MPRIP: variants seen among roughly 807,000 people sequenced by gnomAD.
The protein encoded by MPRIP is myosin phosphatase Rho interacting protein, also known as myosin phosphatase Rho-interacting protein.
MPRIP carries 59 observed loss-of-function variants against 234.9 expected under a neutral mutation model. The observed-to-expected ratio is 0.25, with a 90% CI of 0.20 to 0.31. The LOEUF is 0.31. Among genes scored for constraint, MPRIP ranks in the 10% least tolerant of loss-of-function variants. The pLI is 1.00. For missense variants in MPRIP, 2,436 were observed against 3,071.0 expected (o/e 0.79, Z 4.89); for synonymous variants, 1,144 against 1,263.9 (o/e 0.91, Z 2.01).
At chr17:17,130,539 T>C (rs1402678007) in intron 4 of MPRIP, among the ~76,000 whole-genome samples, 1 of 152,042 alleles carries the variant, frequency 6.6e-6, no homozygotes, top group Non-Finnish European at 1.5e-5. Flanking sequence ...TGCTGGGTGC[T>C]GCACCCGTGT....
chr17:17,087,507 G>A (rs536610277), intron 3 of MPRIP, among the ~76,000 whole-genome samples: 52 of 152,346 alleles, frequency 3.4e-4, no homozygotes, highest in South Asian at 1.2e-3. Context: ...AGGGACCTCT[G>A]CAGGTACTGA....
chr17:17,043,994 G>C (rs546140203), intron 1 of MPRIP, among the ~76,000 whole-genome samples: 30 of 152,190 alleles, frequency 2.0e-4, no homozygotes, highest in Admixed American at 5.2e-4. Context: ...GACTGAAAAC[G>C]AGTGAACGGG....
chr17:17,122,440 G>C (rs1422557392), intron 3 of MPRIP, among the ~76,000 whole-genome samples: 1 of 152,154 alleles, frequency 6.6e-6, no homozygotes, highest in Non-Finnish European at 1.5e-5. Flanking sequence ...TGCAAGCTCC[G>C]CCTCCCGGGT....
chr17:17,047,644 G>T (rs553848873), intron 1 of MPRIP, among the ~76,000 whole-genome samples: 2 of 152,302 alleles, frequency 1.3e-5, no homozygotes, highest in Admixed American at 6.5e-5. Context: ...TCTAGGGACA[G>T]GATGTTGTTG....
intron 10 of MPRIP, 61 bp downstream of exon 10, chr17:17,146,153 T>A: frequency 6.7e-7 from 1 of 1,495,354 alleles, no homozygotes; most frequent in Non-Finnish European, 9.3e-7. Flanking sequence ...GGGTGAGCTG[T>A]CCTTGTCCCC....
intron 3 of MPRIP, among the ~76,000 whole-genome samples, chr17:17,110,351 A>C (rs1389609095): frequency 6.6e-6 from 1 of 152,204 alleles, no homozygotes; most frequent in Non-Finnish European, 1.5e-5. Flanking sequence ...GTATTCCCTT[A>C]TAGCGGCACA....
Position 17,142,092 on chromosome 17 carries a change from T to TCCGG in MPRIP, c.1251-531_1251-528dup, listed in dbSNP as rs562041004. ...GCTTCGCCCCCATCTAAGCTCCGTC[T>TCCGG]CCGGCCGTAGACAGCCTGAGGAGGC... On this transcript the variant is annotated intron_variant, in intron 7 of 23. Coordinates refer to ENST00000651222, the MANE Select transcript of MPRIP (RefSeq NM_001364716.4). 65 of 156,058 alleles carry TCCGG rather than the reference T, an allele frequency of 4.2e-4. No individual in the cohort carries two copies. The South Asian group carries it at 0.011, about 25-fold the overall frequency. 9.7% of individuals were successfully genotyped at this position (156,058 alleles called of 1,614,324 possible).
At chr17:17,160,364 C>CA (rs926617231) in intron 14 of MPRIP, among the ~76,000 whole-genome samples, 10 of 151,704 alleles carry the variant, frequency 6.6e-5, no homozygotes, top group East Asian at 5.8e-4. Flanking sequence ...GAGTCCATCT[C>CA]AAAAAAAATA....
intron 1 of MPRIP, among the ~76,000 whole-genome samples, chr17:17,055,742 T>A (rs1357028400): frequency 6.6e-6 from 1 of 152,136 alleles, no homozygotes; most frequent in East Asian, 1.9e-4. Context: ...GTCCTCTTCC[T>A]AGGGGGCCCG....
chr17:17,166,055 T>C lies in MPRIP; in HGVS notation c.4464T>C (p.Ser1488=). 1 of 1,302,920 alleles carries C rather than the reference T, an allele frequency of 7.7e-7. No homozygotes were observed. The highest frequency in any genetic ancestry group is 1.2e-5 in the South Asian group (1 of 80,866). 80.7% of individuals were successfully genotyped at this position (1,302,920 alleles called of 1,614,324 possible). ...CLENCREQLR[S]LPRASQEDEQ... is the part of the protein sequence containing the mutation. Reference sequence around the variant, plus strand: ...AAAATTGCCGAGAACAACTGAGATCTCTGCCTAGGGCCAGCCAGGAGGATG... The same window carrying C: ...AAAATTGCCGAGAACAACTGAGATCCCTGCCTAGGGCCAGCCAGGAGGATG... Residue 1488 remains serine, a synonymous_variant, in exon 16 of 24, where the codon TCT becomes TCC. Coordinates refer to ENST00000651222, the MANE Select transcript of MPRIP (RefSeq NM_001364716.4). The surrounding 1 kb of genome is among the most constrained non-coding windows in gnomAD (Gnocchi z 4.4).
rs189317788 is a variant in MPRIP, at chr17:17,149,618, T to G, written c.1630-526T>G. On this transcript the variant is annotated intron_variant, in intron 11 of 23. Transcript: ENST00000651222. ...AAGCAATGTGACTCTTATCACTGAT[T>G]GTTAAATCAGATTTTTATTTTAAAA... The G allele has an allele frequency of 2.0e-5, 3 of 151,790 alleles. No homozygotes were observed. The East Asian group carries it at 5.8e-4, about 29-fold the overall frequency. The allele number at this position is 151,790 out of a possible 1,614,324, so 9.4% of individuals were successfully genotyped here.
At chr17:17,120,894 G>A (rs944634307) in intron 3 of MPRIP, among the ~76,000 whole-genome samples, 10 of 152,156 alleles carry the variant, frequency 6.6e-5, no homozygotes, top group Non-Finnish European at 5.9e-5. Context: ...ACAAGATTCA[G>A]GCCTACCCAG....
rs769156228 is a variant in MPRIP at position 17,174,082 on chromosome 17, C to T, written c.6750+7C>T. 1 of 1,612,632 alleles carries T rather than the reference C, an allele frequency of 6.2e-7. No homozygotes were observed. The highest frequency in any genetic ancestry group is 1.1e-5 in the South Asian group (1 of 91,000). Reference sequence around the variant, plus strand: ...GCTCAATGCCCACAACCAGGTGAGCCTGCAGCCAGGTGAGCCCAAGGTTAG... The same window carrying T: ...GCTCAATGCCCACAACCAGGTGAGCTTGCAGCCAGGTGAGCCCAAGGTTAG... On this transcript the variant is annotated splice_region_variant and intron_variant, in intron 19 of 23. Coordinates refer to ENST00000651222, the MANE Select transcript of MPRIP (RefSeq NM_001364716.4).
intron 13 of MPRIP, among the ~76,000 whole-genome samples, chr17:17,155,922 C>T (rs1018680670): frequency 6.6e-6 from 1 of 152,254 alleles, no homozygotes; most frequent in Non-Finnish European, 1.5e-5. Flanking sequence ...CCAAGCTTGA[C>T]AAGCTAAGTG....
At chr17:17,170,489 C>T (rs1000106052) in intron 16 of MPRIP, among the ~76,000 whole-genome samples, 2 of 152,178 alleles carry the variant, frequency 1.3e-5, no homozygotes, top group Non-Finnish European at 2.9e-5. Context: ...CCAGACTGAC[C>T]ACGAGTTTGG....
rs756041670 is a variant in MPRIP, at chr17:17,180,045, A to G, written c.7163A>G (p.Asp2388Gly). The change falls in exon 23 of 24, where the codon GAC (aspartate) becomes GGC (glycine). Residue 2388 changes from aspartate to glycine, a missense_variant. Transcript: ENST00000651222. ...SKSNPDFLKK[D>G]RSCVTRQLRN... Reference sequence around the variant, plus strand: ...AGCAACCCTGACTTCTTGAAGAAAGACAGATCCTGTGTCACCCGGCAACTC... The same window carrying G: ...AGCAACCCTGACTTCTTGAAGAAAGGCAGATCCTGTGTCACCCGGCAACTC... 3 of 1,594,748 alleles carry G rather than the reference A, an allele frequency of 1.9e-6. No homozygotes were observed. In the Admixed American group the frequency reaches 5.6e-5, roughly 30 times the overall value.
intron 3 of MPRIP, among the ~76,000 whole-genome samples, chr17:17,087,350 G>A (rs1023692082): frequency 6.6e-6 from 1 of 152,244 alleles, no homozygotes; most frequent in African/African-American, 2.4e-5. Flanking sequence ...AGAGGGAAGT[G>A]TGTGGGGCAG....
chr17:17,184,348 C>T (rs752103179), intron 23 of MPRIP, among the ~76,000 whole-genome samples: 3 of 152,198 alleles, frequency 2.0e-5, no homozygotes, highest in African/African-American at 4.8e-5. Flanking sequence ...ACTGTAGGAG[C>T]GAGGCCCTGT....
At chr17:17,072,383 C>A (rs984891320) in intron 1 of MPRIP, among the ~76,000 whole-genome samples, 2 of 152,216 alleles carry the variant, frequency 1.3e-5, no homozygotes, top group Non-Finnish European at 2.9e-5. Context: ...ACACCTGCCT[C>A]AGGATCAAGG....
Sources: allele counts gnomAD v4.1 joint callset (sites outside exome capture counted in the v4.1 genomes callset), GRCh38; gene constraint gnomAD v4.1.1; non-coding constraint Gnocchi (gnomAD v3.1); transcripts MANE v1.5; gene names NCBI Gene and HGNC (gene_info 2026-07-23, HGNC 2026-07-21).